The following CDH13 variants were observed in gnomAD, a reference collection of about 807,000 sequenced individuals.
CDH13 encodes cadherin 13, also known as cadherin-13.
CDH13 carries 24 observed loss-of-function variants against 63.8 expected under a neutral mutation model. The ratio of observed to expected loss-of-function variants is 0.38; its 90% CI spans 0.27 to 0.53. The LOEUF is 0.53. CDH13 is among the 20% of genes least tolerant of loss of function. The pLI, the probability that CDH13 is intolerant of heterozygous loss-of-function variation, is 0.85. For synonymous variants in CDH13, 503 were observed against 355.3 expected (o/e 1.42, Z -4.67); for missense variants, 1,049 against 903.1 (o/e 1.16, Z -2.07).
intron 6 of CDH13, 133 bp downstream of exon 6, chr16:83,345,139 G>C: frequency 1.0e-6 from 1 of 984,052 alleles, no homozygotes; most frequent in Non-Finnish European, 1.5e-6. Flanking sequence ...ATACTTCCCT[G>C]CGTAGAAGCC....
chr16:83,064,316 C>T (rs756405355), intron 3 of CDH13, among the ~76,000 whole-genome samples: 18 of 151,936 alleles, frequency 1.2e-4, no homozygotes, highest in Non-Finnish European at 2.1e-4. Flanking sequence ...TCGCAGTGAG[C>T]TGAGATGGTG....
chr16:83,606,713 T>A (rs2150756692), intron 8 of CDH13, among the ~76,000 whole-genome samples: 2 of 130,708 alleles, frequency 1.5e-5, no homozygotes, highest in South Asian at 2.5e-4. Context: ...GGTGACAGAA[T>A]GAGACCCAGT....
At chr16:83,155,233 C>T (rs1407349035) in intron 4 of CDH13, among the ~76,000 whole-genome samples, 2 of 152,206 alleles carry the variant, frequency 1.3e-5, no homozygotes, top group African/African-American at 4.8e-5. Context: ...AGGGGAGAGA[C>T]ATCTCAAGTG....
At chr16:83,512,360 AT>A (rs1445774393) in intron 7 of CDH13, among the ~76,000 whole-genome samples, 39 of 146,690 alleles carry the variant, frequency 2.7e-4, no homozygotes, top group Non-Finnish European at 4.0e-4. Flanking sequence ...AAATAAATAA[AT>A]AAATAAATAA....
At chr16:82,721,921 C>T (rs1002411334) in intron 1 of CDH13, among the ~76,000 whole-genome samples, 5 of 152,032 alleles carry the variant, frequency 3.3e-5, no homozygotes, top group Admixed American at 1.3e-4. Context: ...ATGGAAGGAC[C>T]TGATGTGCTT....
At chr16:83,134,216 A>C (rs888145555) in intron 4 of CDH13, among the ~76,000 whole-genome samples, 3 of 152,216 alleles carry the variant, frequency 2.0e-5, no homozygotes, top group East Asian at 3.9e-4. Context: ...TCTTTGAGAC[A>C]GAGTCTCGCT....
intron 4 of CDH13, among the ~76,000 whole-genome samples, chr16:83,211,305 T>C (rs2151778913): frequency 6.6e-6 from 1 of 152,306 alleles, no homozygotes; most frequent in Middle Eastern, 3.4e-3. Context: ...GGATGAAGGG[T>C]ACATGGGAAC....
intron 4 of CDH13, among the ~76,000 whole-genome samples, chr16:83,166,157 C>A (rs2037657778): frequency 6.6e-6 from 1 of 152,042 alleles, no homozygotes; most frequent in African/African-American, 2.4e-5. Context: ...AAAGGGTATC[C>A]AGCAAATCAA....
intron 10 of CDH13, among the ~76,000 whole-genome samples, chr16:83,695,485 G>A (rs2080764215): frequency 1.3e-5 from 2 of 152,184 alleles, no homozygotes; most frequent in African/African-American, 4.8e-5. Flanking sequence ...CTACAACCTG[G>A]TGGACTAGGC....
At chr16:83,199,802 T>C (rs2038973179) in intron 4 of CDH13, among the ~76,000 whole-genome samples, 1 of 152,164 alleles carries the variant, frequency 6.6e-6, no homozygotes, top group Admixed American at 6.5e-5. Flanking sequence ...GCAGGTCTAT[T>C]ATTCCCAATC....
chr16:83,323,960 C>T (rs1054087687), intron 5 of CDH13, among the ~76,000 whole-genome samples: 40 of 152,168 alleles, frequency 2.6e-4, no homozygotes, highest in African/African-American at 8.7e-4. Flanking sequence ...CACAATTCAC[C>T]CATTGAAAGT....
intron 7 of CDH13, among the ~76,000 whole-genome samples, chr16:83,538,910 G>A (rs908392447): frequency 2.6e-5 from 4 of 152,048 alleles, no homozygotes; most frequent in African/African-American, 7.2e-5. Context: ...GTCATCCTTC[G>A]CAAATATCAT....
At chr16:83,292,955 G>T (rs8051664) in intron 5 of CDH13, among the ~76,000 whole-genome samples, 4,017 of 152,168 alleles carry the variant, frequency 0.026, 174 homozygotes, top group African/African-American at 0.091. Context: ...CGATTCCATG[G>T]TTTCTGGTAT....
chr16:83,201,838 C>T (rs977414274), intron 4 of CDH13, among the ~76,000 whole-genome samples: 1 of 152,036 alleles, frequency 6.6e-6, no homozygotes, highest in African/African-American at 2.4e-5. Flanking sequence ...TGGCGTGAAC[C>T]CGGAAGGCAG....
At chr16:83,102,722 G>C (rs1025531221) in intron 3 of CDH13, among the ~76,000 whole-genome samples, 7 of 152,042 alleles carry the variant, frequency 4.6e-5, no homozygotes, top group South Asian at 2.1e-4. Flanking sequence ...ATTGTGTTTT[G>C]ATCCAGGAAA....
At chr16:82,671,854 A>T (rs2150945177) in intron 1 of CDH13, among the ~76,000 whole-genome samples, 1 of 152,340 alleles carries the variant, frequency 6.6e-6, no homozygotes, top group South Asian at 2.1e-4. Context: ...AGATATGTCC[A>T]AGAATAAAGA....
intron 2 of CDH13, among the ~76,000 whole-genome samples, chr16:83,001,978 A>G (rs1912984612): frequency 1.3e-5 from 2 of 152,210 alleles, no homozygotes; most frequent in Admixed American, 1.3e-4. Flanking sequence ...AGTTCCAACC[A>G]CATTCCAGGG....
At chr16:82,647,400 G>C (rs539355886) in intron 1 of CDH13, among the ~76,000 whole-genome samples, 1 of 152,170 alleles carries the variant, frequency 6.6e-6, no homozygotes, top group South Asian at 2.1e-4. Flanking sequence ...GGATTTGAGT[G>C]CAATAAATTC....
intron 10 of CDH13, among the ~76,000 whole-genome samples, chr16:83,742,733 C>T (rs538822789): frequency 6.6e-6 from 1 of 152,190 alleles, no homozygotes; most frequent in Non-Finnish European, 1.5e-5. Context: ...ATGGCTCCAC[C>T]GTTCATTGTC....
Sources: allele counts gnomAD v4.1 joint callset (sites outside exome capture counted in the v4.1 genomes callset), GRCh38; gene constraint gnomAD v4.1.1; transcripts MANE v1.5; gene names NCBI Gene and HGNC (gene_info 2026-07-23, HGNC 2026-07-21).